MAK16: variants seen among roughly 807,000 people sequenced by gnomAD.
MAK16 encodes the protein MAK16 homolog.
Under a neutral mutation model 49.9 loss-of-function variants are expected in MAK16, and 12 were observed. The ratio of observed to expected loss-of-function variants is 0.24; its 90% confidence interval spans 0.15 to 0.39. MAK16 has a LOEUF of 0.39. Ranked by LOEUF, MAK16 falls within the 10% of genes least tolerant of loss-of-function variation. The pLI, the probability that MAK16 is intolerant of heterozygous loss-of-function variation, is 1.00. For synonymous variants in MAK16, 115 were observed against 126.4 expected (o/e 0.91, Z 0.60); for missense variants, 292 against 363.7 (o/e 0.80, Z 1.60).
At chr8:33,495,338 T>C (rs1808840511) in intron 6 of MAK16, among the ~76,000 whole-genome samples, 1 of 152,184 alleles carries the variant, frequency 6.6e-6, no homozygotes, top group African/African-American at 2.4e-5. Flanking sequence ...ACCATAGGAA[T>C]TTCAAAATGG....
At position 33,488,994 on chromosome 8, in the gene MAK16, C is replaced by G; in HGVS notation, c.247C>G (p.Leu83Val). ...TCCTGTTTCTGTTTGGTAGGTCCGG[C>G]TTAGTAAAAACTATGAGAAAGCACT... is the stretch of plus-strand genomic sequence containing the variant. ...FPRRLWERVRLSKNYEKALEQ... is the reference protein window; with the variant it reads ...FPRRLWERVRVSKNYEKALEQ... The change falls in exon 5 of 10, where the codon CTT becomes GTT. Residue 83 changes from leucine to valine, a missense_variant. By Grantham distance (32) the Leu-to-Val change is conservative. Transcript: ENST00000360128. The G allele has an allele frequency of 6.2e-7, 1 of 1,614,064 alleles. No individual in the cohort carries two copies. The highest frequency in any genetic ancestry group is 2.2e-5 in the East Asian group (1 of 44,884).
Position 33,497,307 on chromosome 8 carries a change from A to G in MAK16, c.705+10A>G. 1 of 1,192,412 alleles carries G rather than the reference A, an allele frequency of 8.4e-7. No homozygotes were observed. The highest frequency in any genetic ancestry group is 1.2e-6 in the Non-Finnish European group (1 of 819,256). The allele number at this position is 1,192,412 out of a possible 1,614,324, so 73.9% of individuals were successfully genotyped here. On this transcript the variant is annotated intron_variant, in intron 9 of 9. Transcript: ENST00000360128. ...CATAAGTGATTTTGAGGTGAGCTTT[A>G]TGGGTAAAAAGATTGTCCTTTGGCC... is the stretch of plus-strand genomic sequence containing the variant.
chr8:33,492,931 C>T (rs1233829315), intron 6 of MAK16, among the ~76,000 whole-genome samples: 1 of 149,998 alleles, frequency 6.7e-6, no homozygotes, highest in Non-Finnish European at 1.5e-5. Flanking sequence ...TTTGTGGTTT[C>T]ATAACAATTT....
At chr8:33,488,499 G>A in intron 2 of MAK16, 21 bp from the exon 3 acceptor site, 2 of 1,613,914 alleles carry the variant, frequency 1.2e-6, no homozygotes, top group South Asian at 2.2e-5. Flanking sequence ...TATAATCTTT[G>A]TTTCTTTTCT....
At chr8:33,494,267 G>A (rs1323444137) in intron 6 of MAK16, among the ~76,000 whole-genome samples, 1 of 152,052 alleles carries the variant, frequency 6.6e-6, no homozygotes, top group Non-Finnish European at 1.5e-5. Context: ...TAGAGACGGG[G>A]TTTCACGACG....
chr8:33,486,540 A>G (rs555050361), intron 1 of MAK16, among the ~76,000 whole-genome samples: 1 of 152,316 alleles, frequency 6.6e-6, no homozygotes, highest in African/African-American at 2.4e-5. Flanking sequence ...TGACAGAGAG[A>G]CCCTATCTCT....
Position 33,498,373 on chromosome 8 carries a change from G to A in MAK16, c.706-59G>A, listed in dbSNP as rs74781579. On this transcript the variant is annotated intron_variant, in intron 9 of 9. Coordinates refer to ENST00000360128, the MANE Select transcript of MAK16 (RefSeq NM_032509.4). ...GTTCTAGATTGAGGGGACAAGGAAG[G>A]GAGTTTGGAGAAATCTAGTGTTTTC... is the stretch of plus-strand genomic sequence containing the variant. 2.4e-4 allele frequency: 350 copies of A among 1,484,712 alleles called. 3 individuals are homozygous for A. The East Asian group carries it at 7.9e-3, about 33-fold the overall frequency. 92.0% of individuals were successfully genotyped at this position (1,484,712 alleles called of 1,614,324 possible). A position where few individuals can be genotyped will look rare whatever the true frequency, so the allele number is the denominator to read the frequency against.
Position 33,499,134 on chromosome 8 carries a change from G to C in MAK16, c.*505G>C. The C allele has an allele frequency of 6.6e-7, 1 of 1,506,086 alleles. No homozygotes were observed. The highest frequency in any genetic ancestry group is 1.7e-5 in the Admixed American group (1 of 59,730). 93.3% of individuals were successfully genotyped at this position (1,506,086 alleles called of 1,614,324 possible). On this transcript the variant is annotated 3_prime_UTR_variant, in exon 10 of 10. Coordinates refer to ENST00000360128, the MANE Select transcript of MAK16 (RefSeq NM_032509.4). ...AACTCCATTCATACAAATTGGGATGGGAAGAAAATCCTTTCCTCTTGGGAA... is the reference window on the plus strand; with the variant it reads ...AACTCCATTCATACAAATTGGGATGCGAAGAAAATCCTTTCCTCTTGGGAA...
At position 33,500,510 on chromosome 8, in the gene MAK16, C is replaced by T. The variant is rs1409679966; in HGVS notation, c.*1881C>T. ...GAAACTCTGGAATCAGGAAGAAAAG[C>T]TATGTTCATACTCTAAATCTGGATA... On this transcript the variant is annotated 3_prime_UTR_variant, in exon 10 of 10. Coordinates refer to ENST00000360128, the MANE Select transcript of MAK16 (RefSeq NM_032509.4). 6 of 1,613,316 alleles carry T rather than the reference C, an allele frequency of 3.7e-6. No individual in the cohort carries two copies. Among genetic ancestry groups the T allele is most frequent in the Non-Finnish European group, 5.1e-6 (6 of 1,179,790 alleles).
chr8:33,496,354 A>G (rs2676409), intron 7 of MAK16, among the ~76,000 whole-genome samples: 3,388 of 152,300 alleles, frequency 0.022, 62 homozygotes, highest in East Asian at 0.078. Context: ...ATTTGTCCCA[A>G]TGCATGGGTT....
At position 33,500,089 on chromosome 8, in the gene MAK16, C is replaced by G; in HGVS notation, c.*1460C>G. On this transcript the variant is annotated 3_prime_UTR_variant, in exon 10 of 10. Coordinates refer to ENST00000360128, the MANE Select transcript of MAK16 (RefSeq NM_032509.4). ...TTTGCCCATACTGTCTCGTCCTTAG[C>G]CCCAGTGACATGTGCTGATCCTCCT... 1 of 465,012 alleles carries G rather than the reference C, an allele frequency of 2.2e-6. No individual in the cohort carries two copies. The highest frequency in any genetic ancestry group is 3.9e-6 in the Non-Finnish European group (1 of 257,748). 28.8% of individuals were successfully genotyped at this position (465,012 alleles called of 1,614,324 possible).
In MAK16 at chr8:33,488,802, A is replaced by G. The variant is rs769113230; in HGVS notation, c.240+4A>G. 58 of 1,614,064 alleles carry G rather than the reference A, an allele frequency of 3.6e-5. No homozygotes were observed. Among genetic ancestry groups the G allele is most frequent in the African/African-American group, 1.3e-5 (1 of 74,942 alleles). Reference sequence around the variant, plus strand: ...TCCTCGGCGTCTCTGGGAACGGGTAAGCCTTACAACAAAACTACAGTGACC... The same window carrying G: ...TCCTCGGCGTCTCTGGGAACGGGTAGGCCTTACAACAAAACTACAGTGACC... On this transcript the variant is annotated splice_donor_region_variant and intron_variant, in intron 4 of 9. Transcript: ENST00000360128.
intron 9 of MAK16, 21 bp downstream of exon 9, chr8:33,497,318 G>C: frequency 1.8e-5 from 16 of 870,696 alleles, no homozygotes; most frequent in Non-Finnish European, 2.7e-5. Flanking sequence ...TGGGTAAAAA[G>C]ATTGTCCTTT....
rs746772846 is a variant in MAK16, at chr8:33,498,580, T to C, written c.854T>C (p.Ile285Thr). ...PLQRKRAYVE[I>T]EYEQETEPVA... is the part of the protein sequence containing the mutation. ...CAGAGAAAACGAGCCTATGTGGAAA[T>C]AGAATACGAGCAGGAGACAGAGCCC... Residue 285 changes from isoleucine (I) to threonine (T), a missense_variant, in exon 10 of 10, where the codon ATA becomes ACA. Physicochemically the swap from Ile to Thr is moderately conservative, Grantham distance 89 (BLOSUM62 -1). Coordinates refer to ENST00000360128, the MANE Select transcript of MAK16 (RefSeq NM_032509.4). 19 of 1,613,288 alleles carry C rather than the reference T, an allele frequency of 1.2e-5. No homozygotes were observed. The highest frequency in any genetic ancestry group is 6.7e-5 in the African/African-American group (5 of 74,716).
rs952664332 is a variant in MAK16, at chr8:33,500,641, A to G, written c.*2012A>G. ...TGAAAAAGACCTAAAAACAGAACCA[A>G]AGACAGCCTCTAGATTTCTTACCCT... On this transcript the variant is annotated 3_prime_UTR_variant, in exon 10 of 10. Coordinates refer to ENST00000360128, the MANE Select transcript of MAK16 (RefSeq NM_032509.4). 1.1e-6 allele frequency: 1 copy of G among 927,032 alleles called. No individual in the cohort carries two copies. Among genetic ancestry groups the G allele is most frequent in the African/African-American group, 1.7e-5 (1 of 59,580 alleles). 57.4% of individuals were successfully genotyped at this position (927,032 alleles called of 1,614,324 possible). A position where few individuals can be genotyped will look rare whatever the true frequency, so the allele number is the denominator to read the frequency against.
At chr8:33,494,847 C>T (rs929634552) in intron 6 of MAK16, among the ~76,000 whole-genome samples, 23 of 151,720 alleles carry the variant, frequency 1.5e-4, no homozygotes, top group Admixed American at 9.8e-4. Context: ...GGCGTGATCT[C>T]GGCTCACTGC....
chr8:33,490,392 C>T lies in MAK16; in HGVS notation c.447+53C>T. On this transcript the variant is annotated intron_variant, in intron 6 of 9. Transcript: ENST00000360128. ...TTCTACATTTTCTTTCTGGGGGTCT[C>T]TTATAGATTCAGTCACCATCATTAT... is the stretch of plus-strand genomic sequence containing the variant. The T allele has an allele frequency of 2.9e-6, 4 of 1,400,258 alleles. No homozygotes were observed. In the South Asian group the frequency reaches 3.5e-5, roughly 12 times the overall value. The allele number at this position is 1,400,258 out of a possible 1,614,324, so 86.7% of individuals were successfully genotyped here.
chr8:33,492,583 G>T (rs1808794211), intron 6 of MAK16, among the ~76,000 whole-genome samples: 1 of 152,190 alleles, frequency 6.6e-6, no homozygotes, highest in Non-Finnish European at 1.5e-5. Flanking sequence ...TATAGCACAA[G>T]ATAGGGGTCT....
rs1161743715 is a variant in MAK16, at chr8:33,485,569, GACTCCAAGTTT to G, written c.15+350_15+360del. ...GGGCGGCCCGGGATTTGGCGAAGCT[GACTCCAAGTTT>G]AAGCGTCCTTCTCATCCATGTGCGC... On this transcript the variant is annotated intron_variant, in intron 1 of 9. Coordinates refer to ENST00000360128, the MANE Select transcript of MAK16 (RefSeq NM_032509.4). 7.6e-6 allele frequency: 3 copies of G among 396,952 alleles called. No homozygotes were observed. In the East Asian group the frequency reaches 1.3e-4, roughly 18 times the overall value. The allele number at this position is 396,952 out of a possible 1,614,324, so 24.6% of individuals were successfully genotyped here.
Sources: allele counts gnomAD v4.1 joint callset (sites outside exome capture counted in the v4.1 genomes callset), GRCh38; gene constraint gnomAD v4.1.1; transcripts MANE v1.5; gene names NCBI Gene and HGNC (gene_info 2026-07-23, HGNC 2026-07-21).